UBE2R2: variants seen among roughly 807,000 people sequenced by gnomAD.
UBE2R2 encodes ubiquitin conjugating enzyme E2 R2.
A neutral mutation model predicts 27.8 loss-of-function variants in UBE2R2; 1 was observed. That is an observed-to-expected ratio of 0.04 (90% CI 0.01 to 0.17). UBE2R2 has a LOEUF of 0.17. Among genes scored for constraint, UBE2R2 ranks in the 10% least tolerant of loss-of-function variants. The pLI is 1.00. For synonymous variants in UBE2R2, 106 were observed against 113.3 expected (o/e 0.94, Z 0.41); for missense variants, 100 against 291.0 (o/e 0.34, Z 4.78).
At chr9:33,869,848 G>C (rs1821446775) in intron 1 of UBE2R2, among the ~76,000 whole-genome samples, 1 of 150,154 alleles carries the variant, frequency 6.7e-6, no homozygotes, top group Non-Finnish European at 1.5e-5. Context: ...TTTTGTTTTT[G>C]TTTTTTTATT....
At chr9:33,859,527 T>C (rs1372357722) in intron 1 of UBE2R2, among the ~76,000 whole-genome samples, 1 of 152,188 alleles carries the variant, frequency 6.6e-6, no homozygotes, top group Admixed American at 6.5e-5. Context: ...GGATGGACTC[T>C]GAGATACTAT....
chr9:33,830,453 G>A (rs1413685761), intron 1 of UBE2R2, among the ~76,000 whole-genome samples: 6 of 146,830 alleles, frequency 4.1e-5, no homozygotes, highest in Non-Finnish European at 7.5e-5. Flanking sequence ...CACTGCGCCC[G>A]GCCTCATAAT....
At chr9:33,825,579 A>G (rs575877202) in intron 1 of UBE2R2, among the ~76,000 whole-genome samples, 4 of 152,202 alleles carry the variant, frequency 2.6e-5, no homozygotes, top group Admixed American at 6.5e-5. Flanking sequence ...TAGTTAGACC[A>G]TTTTTCAACA....
At chr9:33,872,110 G>C (rs1461728324) in intron 1 of UBE2R2, among the ~76,000 whole-genome samples, 2 of 151,712 alleles carry the variant, frequency 1.3e-5, no homozygotes, top group East Asian at 1.9e-4. Context: ...TTTTTAGCTG[G>C]GCATGGTGGC....
At chr9:33,858,860 T>A (rs1452832803) in intron 1 of UBE2R2, among the ~76,000 whole-genome samples, 2 of 152,208 alleles carry the variant, frequency 1.3e-5, no homozygotes, top group Admixed American at 6.5e-5. Context: ...AGCCTCACTC[T>A]GTTGCCCAGG....
At chr9:33,819,942 G>T (rs1437771307) in intron 1 of UBE2R2, among the ~76,000 whole-genome samples, 1 of 152,196 alleles carries the variant, frequency 6.6e-6, no homozygotes. Flanking sequence ...CGGCCATGAT[G>T]CCTTTTCTGA....
chr9:33,885,052 C>T (rs969254579), intron 1 of UBE2R2, among the ~76,000 whole-genome samples: 1 of 152,150 alleles, frequency 6.6e-6, no homozygotes, highest in African/African-American at 2.4e-5. Context: ...TTTCTAGAAC[C>T]AGTTAGTTAG....
At chr9:33,906,813 G>T (rs1822367968) in intron 3 of UBE2R2, among the ~76,000 whole-genome samples, 1 of 152,172 alleles carries the variant, frequency 6.6e-6, no homozygotes, top group Non-Finnish European at 1.5e-5. Context: ...AAGGCAGGTG[G>T]ATTGCTTGAG....
At chr9:33,829,041 T>C (rs1424005716) in intron 1 of UBE2R2, among the ~76,000 whole-genome samples, 2 of 152,060 alleles carry the variant, frequency 1.3e-5, no homozygotes, top group Non-Finnish European at 2.9e-5. Context: ...GGCCTGATTT[T>C]TGTATTTTTA....
chr9:33,886,673 A>AT (rs397811736), intron 1 of UBE2R2, among the ~76,000 whole-genome samples: 88 of 149,844 alleles, frequency 5.9e-4, no homozygotes, highest in African/African-American at 2.0e-3. Context: ...AAAAAAAAAA[A>AT]GGCTTTTATA....
intron 1 of UBE2R2, among the ~76,000 whole-genome samples, chr9:33,874,104 T>A (rs980101303): frequency 1.3e-5 from 2 of 151,938 alleles, no homozygotes; most frequent in African/African-American, 4.8e-5. Flanking sequence ...CCCGCTGCCA[T>A]GCCCGGCTAA....
At position 33,851,807 on chromosome 9, in the gene UBE2R2, A is replaced by G. The variant is rs992320286; in HGVS notation, c.177+33873A>G. On this transcript the variant is annotated intron_variant, in intron 1 of 4. Coordinates refer to ENST00000263228, the MANE Select transcript of UBE2R2 (RefSeq NM_017811.4). ...TTATATCTCAATGGACTCATCTCCT[A>G]TTTCATTAAATGGGTAGTAATGGTA... Among the ~76,000 whole-genome samples the G allele has an allele frequency of 2.0e-5, 3 of 152,110 alleles. No individual in the cohort carries two copies. The South Asian group carries it at 6.2e-4, about 32-fold the overall frequency.
In UBE2R2 at chr9:33,919,706, G is replaced by A. The variant is rs1822754789; in HGVS notation, c.*2469G>A. 1 of 150,452 alleles carries A rather than the reference G, an allele frequency of 6.6e-6. No homozygotes were observed. The highest frequency in any genetic ancestry group is 2.2e-4 in the South Asian group (1 of 4,614). 9.3% of individuals were successfully genotyped at this position (150,452 alleles called of 1,614,324 possible). A position where few individuals can be genotyped will look rare whatever the true frequency, so the allele number is the denominator to read the frequency against. Reference sequence around the variant, plus strand: ...CTGTCCCTGAGAACACATCCCTGTGGAAAATACTTGAGTTTGTAATTTTTT... The same window carrying A: ...CTGTCCCTGAGAACACATCCCTGTGAAAAATACTTGAGTTTGTAATTTTTT... On this transcript the variant is annotated 3_prime_UTR_variant, in exon 5 of 5. Coordinates refer to ENST00000263228, the MANE Select transcript of UBE2R2 (RefSeq NM_017811.4).
Position 33,817,841 on chromosome 9 carries a change from C to T in UBE2R2, c.84C>T (p.Phe28=). The change falls in exon 1 of 5, where the codon TTC becomes TTT. Residue 28 remains phenylalanine, a synonymous_variant. Transcript: ENST00000263228. Reference sequence around the variant, plus strand: ...TGCAGGAGGAACCGGTGGAGGGCTTCCGGATCACCCTGGTGGACGAGTCCG... The same window carrying T: ...TGCAGGAGGAACCGGTGGAGGGCTTTCGGATCACCCTGGTGGACGAGTCCG... ...KSLQEEPVEG[F]RITLVDESDL... is the part of the protein sequence containing the mutation. The T allele has an allele frequency of 6.2e-7, 1 of 1,612,866 alleles. No individual in the cohort carries two copies. Among genetic ancestry groups the T allele is most frequent in the Non-Finnish European group, 8.5e-7 (1 of 1,179,384 alleles).
At chr9:33,895,622 T>G (rs1259540768) in intron 2 of UBE2R2, among the ~76,000 whole-genome samples, 4 of 152,180 alleles carry the variant, frequency 2.6e-5, no homozygotes, top group African/African-American at 9.7e-5. Context: ...TGAATGAACC[T>G]GTAGATCAAA....
intron 1 of UBE2R2, among the ~76,000 whole-genome samples, chr9:33,885,086 C>T (rs1554675715): frequency 6.6e-6 from 1 of 152,168 alleles, no homozygotes; most frequent in South Asian, 2.1e-4. Context: ...AGAGGCTCTG[C>T]GTATGTGTCA....
At chr9:33,831,759 A>C (rs1278728939) in intron 1 of UBE2R2, among the ~76,000 whole-genome samples, 1 of 152,036 alleles carries the variant, frequency 6.6e-6, no homozygotes, top group African/African-American at 2.4e-5. Context: ...TCCCAGGTTC[A>C]TGCCATTCTC....
intron 2 of UBE2R2, among the ~76,000 whole-genome samples, chr9:33,896,656 G>A (rs1257619275): frequency 1.3e-5 from 2 of 150,404 alleles, no homozygotes; most frequent in Admixed American, 6.7e-5. Context: ...CACCGTGTTA[G>A]CCAGGATGGT....
At chr9:33,842,379 C>T (rs1340187445) in intron 1 of UBE2R2, among the ~76,000 whole-genome samples, 1 of 152,012 alleles carries the variant, frequency 6.6e-6, no homozygotes, top group East Asian at 1.9e-4. Flanking sequence ...CCTGGGGTGA[C>T]AGATTTATAT....
Sources: gnomAD v4.1 joint callset for allele counts (sites outside exome capture counted in the v4.1 genomes callset) on GRCh38, gnomAD v4.1.1 for gene constraint, MANE v1.5 for transcripts, NCBI Gene and HGNC (gene_info 2026-07-23, HGNC 2026-07-21) for gene names.